Variants in GPC5 observed in about 807,000 individuals in gnomAD.
The protein encoded by GPC5 is glypican-5.
In GPC5, 47 loss-of-function variants were observed where a neutral mutation model predicts 53.9. The observed-to-expected ratio is 0.87, with a 90% CI of 0.69 to 1.11. The LOEUF (loss-of-function observed/expected upper bound fraction) is 1.11, where lower values mean the gene tolerates loss of function less well. GPC5 is among the 50% of genes most tolerant of loss of function. GPC5 has a pLI of 0.00. For synonymous variants in GPC5, 286 were observed against 263.3 expected (o/e 1.09, Z -0.84); for missense variants, 748 against 713.1 (o/e 1.05, Z -0.56).
intron 2 of GPC5, among the ~76,000 whole-genome samples, chr13:91,501,787 T>C (rs1055467883): frequency 1.1e-4 from 16 of 152,220 alleles, no homozygotes; most frequent in African/African-American, 3.9e-4. Context: ...GGTCAAATGG[T>C]ATTTCTAGTT....
intron 2 of GPC5, among the ~76,000 whole-genome samples, chr13:91,596,609 C>T (rs1382938245): frequency 6.6e-6 from 1 of 151,854 alleles, no homozygotes; most frequent in East Asian, 1.9e-4. Context: ...TATAAATATT[C>T]TTGAGATTTG....
intron 7 of GPC5, among the ~76,000 whole-genome samples, chr13:92,247,802 T>C (rs1326743253): frequency 6.6e-6 from 1 of 152,124 alleles, no homozygotes; most frequent in African/African-American, 2.4e-5. Context: ...CACTTGAACA[T>C]TTCCTGTCTA....
intron 6 of GPC5, among the ~76,000 whole-genome samples, chr13:92,038,240 G>T (rs536116062): frequency 6.6e-6 from 1 of 151,984 alleles, no homozygotes; most frequent in Non-Finnish European, 1.5e-5. Flanking sequence ...GGTGTAACAA[G>T]TTTTGGGTTA....
chr13:92,560,585 C>T (rs1224284841), intron 7 of GPC5, among the ~76,000 whole-genome samples: 1 of 151,906 alleles, frequency 6.6e-6, no homozygotes, highest in Non-Finnish European at 1.5e-5. Flanking sequence ...TTCTCCATAT[C>T]CCCGGCATAT....
At chr13:91,931,237 C>A (rs1036861168) in intron 6 of GPC5, among the ~76,000 whole-genome samples, 1 of 151,966 alleles carries the variant, frequency 6.6e-6, no homozygotes, top group African/African-American at 2.4e-5. Flanking sequence ...ACCTCTCTGA[C>A]ATGGTGGGCA....
At chr13:91,475,141 C>A (rs1882857863) in intron 2 of GPC5, among the ~76,000 whole-genome samples, 2 of 152,122 alleles carry the variant, frequency 1.3e-5, no homozygotes. Flanking sequence ...GTGGCAAAAG[C>A]ACATGCCAGC....
intron 2 of GPC5, among the ~76,000 whole-genome samples, chr13:91,558,877 G>A (rs955115711): frequency 6.6e-6 from 1 of 151,986 alleles, no homozygotes; most frequent in Non-Finnish European, 1.5e-5. Flanking sequence ...TTTATTGAGT[G>A]CTTTGCCTTA....
chr13:91,630,186 ATAT>A (rs985470780), intron 2 of GPC5, among the ~76,000 whole-genome samples: 1 of 152,178 alleles, frequency 6.6e-6, no homozygotes, highest in East Asian at 1.9e-4. Flanking sequence ...CTTTCAAATA[ATAT>A]TATTAGAACT....
chr13:92,508,417 C>T (rs1664740575), intron 7 of GPC5, among the ~76,000 whole-genome samples: 1 of 152,020 alleles, frequency 6.6e-6, no homozygotes, highest in South Asian at 2.1e-4. Context: ...CAGGCATATA[C>T]AGAACTTTTA....
intron 1 of GPC5, among the ~76,000 whole-genome samples, chr13:91,434,306 G>A (rs1879737580): frequency 6.6e-6 from 1 of 152,082 alleles, no homozygotes; most frequent in Non-Finnish European, 1.5e-5. Context: ...TATTGCCTAG[G>A]TTTTCTTCTA....
rs187355275 is a variant in GPC5 at position 92,820,210 on chromosome 13, T to A, written c.1562-46072T>A. On this transcript the variant is annotated intron_variant, in intron 7 of 7. Coordinates refer to ENST00000377067, the MANE Select transcript of GPC5 (RefSeq NM_004466.6). ...CCTATCAATCCAGACCCCAGCCTGC[T>A]CTTTCTCTCTTAACTCTTTGTCAGT... 4.7e-4 allele frequency among the ~76,000 whole-genome samples: 72 copies of A among 152,318 alleles called. No individual in the cohort carries two copies. In the East Asian group the frequency reaches 0.01, roughly 21 times the overall value.
intron 5 of GPC5, among the ~76,000 whole-genome samples, chr13:91,888,223 A>G (rs1393825547): frequency 1.3e-5 from 2 of 152,114 alleles, no homozygotes; most frequent in East Asian, 1.9e-4. Flanking sequence ...TAAAACCATC[A>G]GACCTTGTGA....
intron 7 of GPC5, among the ~76,000 whole-genome samples, chr13:92,363,190 T>C (rs1251958701): frequency 1.3e-5 from 2 of 151,614 alleles, no homozygotes; most frequent in South Asian, 2.1e-4. Flanking sequence ...TTAAAAGTAA[T>C]AAAACAATTC....
chr13:91,549,039 G>A (rs1221009797), intron 2 of GPC5, among the ~76,000 whole-genome samples: 3 of 152,142 alleles, frequency 2.0e-5, no homozygotes, highest in Non-Finnish European at 4.4e-5. Flanking sequence ...GGGAGGCCAA[G>A]GTGGTCGGAT....
At chr13:92,605,690 C>T in intron 7 of GPC5, among the ~76,000 whole-genome samples, 1 of 150,596 alleles carries the variant, frequency 6.6e-6, no homozygotes. Flanking sequence ...CCCGGGTTCA[C>T]GCCATTCTCC....
intron 6 of GPC5, among the ~76,000 whole-genome samples, chr13:91,941,799 A>G (rs2039929605): frequency 6.6e-6 from 1 of 152,154 alleles, no homozygotes; most frequent in African/African-American, 2.4e-5. Flanking sequence ...TTGTAATTTG[A>G]TTGGTAATAA....
chr13:92,061,992 C>T (rs990182330), intron 6 of GPC5, among the ~76,000 whole-genome samples: 2 of 151,974 alleles, frequency 1.3e-5, no homozygotes. Context: ...GTTTAACTAA[C>T]ATGTTTTCAA....
chr13:92,646,930 A>AGTG (rs1885791804), intron 7 of GPC5, among the ~76,000 whole-genome samples: 1 of 146,504 alleles, frequency 6.8e-6, no homozygotes. Context: ...ATATATAAAC[A>AGTG]TGTGTGTGTG....
chr13:92,697,335 G>GC (rs1887586774), intron 7 of GPC5, among the ~76,000 whole-genome samples: 1 of 152,144 alleles, frequency 6.6e-6, no homozygotes, highest in Non-Finnish European at 1.5e-5. Flanking sequence ...CATGAGCACG[G>GC]AATGTTTTTC....
Sources: gnomAD v4.1 joint callset for allele counts (sites outside exome capture counted in the v4.1 genomes callset) on GRCh38, gnomAD v4.1.1 for gene constraint, MANE v1.5 for transcripts, NCBI Gene and HGNC (gene_info 2026-07-23, HGNC 2026-07-21) for gene names.